The following IRAK1BP1 variants were observed in gnomAD, a reference collection of about 807,000 sequenced individuals.
IRAK1BP1 encodes interleukin-1 receptor-associated kinase 1-binding protein 1.
In IRAK1BP1, 24 loss-of-function variants were observed where a neutral mutation model predicts 28.0. That is an observed-to-expected ratio of 0.86 (90% CI 0.62 to 1.20). The LOEUF (loss-of-function observed/expected upper bound fraction) is 1.20, where lower values mean the gene tolerates loss of function less well. Among genes scored for constraint, IRAK1BP1 ranks in the 50% most tolerant of loss-of-function variants. IRAK1BP1 has a pLI of 0.00. For synonymous variants in IRAK1BP1, 131 were observed against 116.3 expected, an observed-to-expected ratio of 1.13 and a Z score of -0.81; for missense variants, 336 against 316.7, an observed-to-expected ratio of 1.06 and a Z score of -0.46.
chr6:78,877,754 T>G (rs962116004), intron 1 of IRAK1BP1, among the ~76,000 whole-genome samples: 1 of 152,146 alleles, frequency 6.6e-6, no homozygotes, highest in African/African-American at 2.4e-5. Flanking sequence ...AGGGAACCCG[T>G]GACAGACGGC....
chr6:78,970,314 G>A, the IRAK1BP1 span: 70 of 651,196 alleles, frequency 1.1e-4, no homozygotes, highest in Admixed American at 2.1e-3. Context: ...AATTCACTGA[G>A]CTCTGTATTA....
At chr6:78,918,692 C>T (rs934442340) in intron 4 of IRAK1BP1, among the ~76,000 whole-genome samples, 2 of 151,730 alleles carry the variant, frequency 1.3e-5, no homozygotes, top group Non-Finnish European at 2.9e-5. Context: ...ATTGCAGAAC[C>T]CAGATTCATA....
At chr6:78,932,988 A>C (rs1773106777) in intron 4 of IRAK1BP1, among the ~76,000 whole-genome samples, 1 of 152,150 alleles carries the variant, frequency 6.6e-6, no homozygotes, top group Non-Finnish European at 1.5e-5. Flanking sequence ...ATGGGCTGTC[A>C]TGCAGGCTTT....
In IRAK1BP1 at chr6:78,868,688, A is replaced by C. The variant is rs111889410; in HGVS notation, c.315+797A>C. ...ATATCCCTGTTTTCCAAATTTAAAG[A>C]GGTTAAACAATGCTCTGAACTTTAG... On this transcript the variant is annotated intron_variant, in intron 1 of 3. Coordinates refer to ENST00000369940, the MANE Select transcript of IRAK1BP1 (RefSeq NM_001010844.4). Among the ~76,000 whole-genome samples the C allele has an allele frequency of 8.6e-3, 1,313 of 152,356 alleles. 8 individuals are homozygous for C. Among genetic ancestry groups the C allele is most frequent in the Non-Finnish European group, 0.012 (850 of 68,036 alleles).
At chr6:78,959,149 T>C in the IRAK1BP1 span, among the ~76,000 whole-genome samples, 1 of 152,108 alleles carries the variant, frequency 6.6e-6, no homozygotes, top group Non-Finnish European at 1.5e-5. Context: ...GAACACTTAA[T>C]TGACAATGCT....
At chr6:78,968,531 G>A in the IRAK1BP1 span, among the ~76,000 whole-genome samples, 8 of 152,198 alleles carry the variant, frequency 5.3e-5, no homozygotes, top group Non-Finnish European at 5.9e-5. Context: ...TGTATGCAAA[G>A]ATTTTGGTAT....
At chr6:78,955,194 C>T in the IRAK1BP1 span, 1 of 1,395,400 alleles carries the variant, frequency 7.2e-7, no homozygotes, top group Non-Finnish European at 1.0e-6. Context: ...CATTTTAATT[C>T]ATATAAAGTA....
intron 1 of IRAK1BP1, among the ~76,000 whole-genome samples, chr6:78,881,170 A>C (rs575699887): frequency 8.5e-5 from 13 of 152,336 alleles, no homozygotes; most frequent in African/African-American, 3.1e-4. Context: ...ACATCCATGC[A>C]AAAGAATATT....
chr6:78,932,031 A>C (rs188997864), intron 4 of IRAK1BP1, among the ~76,000 whole-genome samples: 1 of 152,236 alleles, frequency 6.6e-6, no homozygotes, highest in East Asian at 1.9e-4. Context: ...TGTTCACAGC[A>C]TCTTCACCAA....
chr6:78,977,256 C>T, the IRAK1BP1 span, among the ~76,000 whole-genome samples: 5 of 151,208 alleles, frequency 3.3e-5, no homozygotes, highest in South Asian at 1.1e-3. Flanking sequence ...AACCATCATT[C>T]TCAGTAAACT....
intron 4 of IRAK1BP1, among the ~76,000 whole-genome samples, chr6:78,914,410 C>T (rs182819031): frequency 1.3e-5 from 2 of 152,274 alleles, no homozygotes; most frequent in Admixed American, 1.3e-4. Flanking sequence ...AAATGTCTTG[C>T]TGTTGCATAC....
chr6:78,915,897 TATG>T (rs1345297777), intron 4 of IRAK1BP1, among the ~76,000 whole-genome samples: 1 of 152,182 alleles, frequency 6.6e-6, no homozygotes, highest in African/African-American at 2.4e-5. Flanking sequence ...TTAAAAGTAA[TATG>T]ATCTGTGGCA....
intron 1 of IRAK1BP1, among the ~76,000 whole-genome samples, chr6:78,884,626 A>C (rs1771348983): frequency 6.6e-6 from 1 of 152,114 alleles, no homozygotes; most frequent in Admixed American, 6.6e-5. Context: ...ACTTCTCATT[A>C]AATCTGCACA....
chr6:78,871,256 G>A, intron 1 of IRAK1BP1: 1 of 984,890 alleles, frequency 1.0e-6, no homozygotes, highest in Non-Finnish European at 1.2e-6. Context: ...CACAATGTCT[G>A]GTCCTCCCTC....
At chr6:78,883,621 CATAAA>C (rs1252266438) in intron 1 of IRAK1BP1, among the ~76,000 whole-genome samples, 4 of 151,872 alleles carry the variant, frequency 2.6e-5, no homozygotes, top group East Asian at 3.9e-4. Flanking sequence ...GTTTACATGT[CATAAA>C]ATATTAAATG....
intron 1 of IRAK1BP1, among the ~76,000 whole-genome samples, chr6:78,873,483 C>CT (rs368692772): frequency 1.7e-4 from 25 of 146,418 alleles, no homozygotes; most frequent in Middle Eastern, 3.6e-3. Context: ...AGCTATATAA[C>CT]TTTTTTTTTT....
chr6:78,905,548 T>A (rs1252618257), downstream of IRAK1BP1, among the ~76,000 whole-genome samples: 1 of 152,250 alleles, frequency 6.6e-6, no homozygotes, highest in Non-Finnish European at 1.5e-5. Flanking sequence ...ATAATATTAC[T>A]TCCAGAATAT....
intron 4 of IRAK1BP1, among the ~76,000 whole-genome samples, chr6:78,943,596 C>T (rs777788643): frequency 6.6e-6 from 1 of 152,096 alleles, no homozygotes; most frequent in Non-Finnish European, 1.5e-5. Context: ...ACATTAAGCT[C>T]AGATTCTTTG....
intron 4 of IRAK1BP1, chr6:78,937,447 G>C (rs1358650420): frequency 2.6e-5 from 4 of 151,686 alleles, no homozygotes; most frequent in African/African-American, 9.7e-5. Context: ...GACAGTTCTA[G>C]ATGTTAACAT....
Sources: allele counts gnomAD v4.1 joint callset (sites outside exome capture counted in the v4.1 genomes callset), GRCh38; gene constraint gnomAD v4.1.1; transcripts MANE v1.5; gene names NCBI Gene and HGNC (gene_info 2026-07-23, HGNC 2026-07-21).